The following IRAK1BP1 variants were observed in gnomAD, a reference collection of about 807,000 sequenced individuals.
The protein encoded by IRAK1BP1 is interleukin-1 receptor-associated kinase 1-binding protein 1.
In IRAK1BP1, 24 loss-of-function variants were observed where a neutral mutation model predicts 28.0. That is an observed-to-expected ratio of 0.86 (90% CI 0.62 to 1.20). The LOEUF (loss-of-function observed/expected upper bound fraction) is 1.20. Among genes scored for constraint, IRAK1BP1 ranks in the 50% most tolerant of loss-of-function variants. The probability of loss-of-function intolerance (pLI) is 0.00; values close to 1 mark genes in which losing one functional copy is unlikely to be tolerated. For missense variants in IRAK1BP1, 336 were observed against 316.7 expected (o/e 1.06, Z -0.46); for synonymous variants, 131 against 116.3 (o/e 1.13, Z -0.81).
chr6:78,945,082 CTT>C lies in IRAK1BP1; in HGVS notation c.*68-313_*68-312del, dbSNP rs879391783. Reference sequence around the variant, plus strand: ...TAATTTAAACTTTGAAGATTTATTTCTTTTTTTTTTTTTTCTTTTGAGACAGG... The same window carrying C: ...TAATTTAAACTTTGAAGATTTATTTCTTTTTTTTTTTTCTTTTGAGACAGG... On this transcript the variant is annotated intron_variant and NMD_transcript_variant, in intron 4 of 4. Coordinates refer to the IRAK1BP1 transcript ENST00000606868. Among the ~76,000 whole-genome samples, 477 of 141,798 alleles carry C rather than the reference CTT, an allele frequency of 3.4e-3. 3 individuals are homozygous for C. The highest frequency in any genetic ancestry group is 0.011 in the African/African-American group (446 of 39,020). 93.0% of individuals were successfully genotyped at this position (141,798 alleles called of 152,430 possible).
chr6:78,867,934 A>C, intron 1 of IRAK1BP1, 43 bp downstream of exon 1: 1 of 1,495,860 alleles, frequency 6.7e-7, no homozygotes, highest in South Asian at 1.3e-5. Context: ...GGAAGACACA[A>C]AAGGGTTGGC....
At chr6:78,907,813 G>A (rs1453179290), downstream of IRAK1BP1, among the ~76,000 whole-genome samples, 8 of 151,734 alleles carry the variant, frequency 5.3e-5, no homozygotes, top group East Asian at 3.9e-4. Flanking sequence ...TCTGCCTCCC[G>A]GGTTCAAGCC....
At chr6:78,975,774 A>G in the IRAK1BP1 span, among the ~76,000 whole-genome samples, 194 of 151,990 alleles carry the variant, frequency 1.3e-3, 1 homozygote, top group South Asian at 0.021. Flanking sequence ...CCCATTCACA[A>G]TTGCTTCAAA....
the IRAK1BP1 span, chr6:78,970,114 G>C: frequency 6.2e-7 from 1 of 1,612,354 alleles, no homozygotes; most frequent in Non-Finnish European, 8.5e-7. Flanking sequence ...GTTTAAGGCA[G>C]CAAAGGGTAG....
At chr6:78,973,360 A>G in the IRAK1BP1 span, among the ~76,000 whole-genome samples, 2 of 150,972 alleles carry the variant, frequency 1.3e-5, no homozygotes, top group East Asian at 3.9e-4. Flanking sequence ...CCTGCCCTAC[A>G]AGAGCTCCTG....
chr6:78,873,401 A>AT (rs1770867369), intron 1 of IRAK1BP1, among the ~76,000 whole-genome samples: 1 of 151,056 alleles, frequency 6.6e-6, no homozygotes, highest in Non-Finnish European at 1.5e-5. Flanking sequence ...AAATTCATTA[A>AT]TTTTTTTCTG....
At chr6:78,975,166 T>G in the IRAK1BP1 span, among the ~76,000 whole-genome samples, 1 of 151,806 alleles carries the variant, frequency 6.6e-6, no homozygotes, top group African/African-American at 2.4e-5. Flanking sequence ...ATCAAAAAGC[T>G]TATCCACCAT....
rs1312395269 is a variant in IRAK1BP1, at chr6:78,946,175, G to C, written c.*835G>C. Reference sequence around the variant, plus strand: ...ATCTGAGCAGCATTGTGTCTTGGCGGTATTGATCGTGTAGGTGTAGAGAAT... The same window carrying C: ...ATCTGAGCAGCATTGTGTCTTGGCGCTATTGATCGTGTAGGTGTAGAGAAT... On this transcript the variant is annotated 3_prime_UTR_variant and NMD_transcript_variant, in exon 5 of 5. Coordinates refer to the IRAK1BP1 transcript ENST00000606868. 11 of 1,613,764 alleles carry C rather than the reference G, an allele frequency of 6.8e-6. No homozygotes were observed. Among genetic ancestry groups the C allele is most frequent in the Non-Finnish European group, 8.5e-6 (10 of 1,179,788 alleles).
At chr6:78,894,685 C>G (rs1367785671) in intron 2 of IRAK1BP1, among the ~76,000 whole-genome samples, 2 of 152,098 alleles carry the variant, frequency 1.3e-5, no homozygotes, top group African/African-American at 4.8e-5. Context: ...AAGAATATAA[C>G]AGATTTGAAT....
chr6:78,892,744 G>C (rs1251104368), intron 2 of IRAK1BP1, among the ~76,000 whole-genome samples: 1 of 151,992 alleles, frequency 6.6e-6, no homozygotes, highest in Non-Finnish European at 1.5e-5. Flanking sequence ...AAAACAAATT[G>C]AATTTCCAAA....
chr6:78,964,631 T>G, the IRAK1BP1 span, among the ~76,000 whole-genome samples: 1 of 152,126 alleles, frequency 6.6e-6, no homozygotes, highest in Admixed American at 6.5e-5. Context: ...TAGCTGGGAC[T>G]ACAGGCACAC....
At chr6:78,903,484 A>G (rs1772174532), downstream of IRAK1BP1, among the ~76,000 whole-genome samples, 1 of 151,866 alleles carries the variant, frequency 6.6e-6, no homozygotes, top group Non-Finnish European at 1.5e-5. Context: ...GTGCGAGACT[A>G]TTGCAAAAAA....
the IRAK1BP1 span, chr6:78,969,969 A>G: frequency 1.9e-6 from 3 of 1,579,498 alleles, no homozygotes; most frequent in Non-Finnish European, 2.6e-6. Context: ...AAAATACCTA[A>G]AAGATGTTCA....
At chr6:78,946,243 C>CT (rs750903818) in exon 5 of IRAK1BP1, 1 of 1,612,776 alleles carries the variant, frequency 6.2e-7, no homozygotes, top group South Asian at 1.1e-5. Context: ...TTTTAAGATC[C>CT]TTTTTTTCCT....
At chr6:78,894,136 C>T (rs538877910) in intron 2 of IRAK1BP1, among the ~76,000 whole-genome samples, 15 of 151,794 alleles carry the variant, frequency 9.9e-5, no homozygotes, top group African/African-American at 1.7e-4. Flanking sequence ...AATGGAGTTA[C>T]GGCTAATAAG....
the IRAK1BP1 span, among the ~76,000 whole-genome samples, chr6:78,977,830 T>C: frequency 6.6e-6 from 1 of 152,200 alleles, no homozygotes; most frequent in African/African-American, 2.4e-5. Flanking sequence ...GACTGTTCTT[T>C]AGAATCACTC....
At chr6:78,976,100 C>T in the IRAK1BP1 span, among the ~76,000 whole-genome samples, 2 of 150,770 alleles carry the variant, frequency 1.3e-5, no homozygotes, top group African/African-American at 4.9e-5. Flanking sequence ...AAGCTGGAGG[C>T]ATCACACTAC....
At chr6:78,889,687 C>G (rs1304678504) in intron 2 of IRAK1BP1, among the ~76,000 whole-genome samples, 1 of 151,988 alleles carries the variant, frequency 6.6e-6, no homozygotes, top group African/African-American at 2.4e-5. Context: ...CATCACCGGT[C>G]ATTAGAGAAA....
chr6:78,918,483 T>G (rs1181509502), intron 4 of IRAK1BP1, among the ~76,000 whole-genome samples: 1 of 137,008 alleles, frequency 7.3e-6, no homozygotes, highest in Non-Finnish European at 1.5e-5. Flanking sequence ...AGGCTCAGAG[T>G]AAAGGGCTGG....
Sources: gnomAD v4.1 joint callset for allele counts (sites outside exome capture counted in the v4.1 genomes callset) on GRCh38, gnomAD v4.1.1 for gene constraint, MANE v1.5 for transcripts, NCBI Gene and HGNC (gene_info 2026-07-23, HGNC 2026-07-21) for gene names.